The following RNF216 variants were observed in gnomAD, a reference collection of about 807,000 sequenced individuals.
The protein encoded by RNF216 is E3 ubiquitin-protein ligase RNF216.
RNF216 carries 72 observed loss-of-function variants against 110.8 expected under a neutral mutation model. The observed-to-expected ratio is 0.65, with a 90% CI of 0.54 to 0.79. The LOEUF is 0.79. Ranked by LOEUF, RNF216 falls within the 30% of genes least tolerant of loss-of-function variation. The probability of loss-of-function intolerance (pLI) is 0.00; values close to 1 mark genes in which losing one functional copy is unlikely to be tolerated. For missense variants in RNF216, 1,342 were observed against 1,141.2 expected (o/e 1.18, Z -2.54); for synonymous variants, 495 against 407.5 (o/e 1.21, Z -2.59).
rs926720718 is a variant in RNF216, at chr7:5,716,842, T to G, written c.1645-76A>C. On this transcript the variant is annotated intron_variant, in intron 9 of 16. Transcript: ENST00000389902. ...ACTAACCATTTAGTATTTATTTCCA[T>G]AAACATAACTCCAGTATTGCGATCT... 3 of 1,121,520 alleles carry G rather than the reference T, an allele frequency of 2.7e-6. No homozygotes were observed. In the African/African-American group the frequency reaches 4.6e-5, roughly 17 times the overall value. 69.5% of individuals were successfully genotyped at this position (1,121,520 alleles called of 1,614,324 possible).
chr7:5,633,917 A>G (rs1161578067), intron 15 of RNF216, among the ~76,000 whole-genome samples: 2 of 152,228 alleles, frequency 1.3e-5, no homozygotes, highest in African/African-American at 4.8e-5. Context: ...TCCCTCCACA[A>G]ATATGCCCCA....
chr7:5,682,630 C>T (rs149655511), intron 13 of RNF216, among the ~76,000 whole-genome samples: 39 of 152,242 alleles, frequency 2.6e-4, no homozygotes, highest in Non-Finnish European at 5.6e-4. Flanking sequence ...TGATCTTGAA[C>T]TCCTGACCTC....
chr7:5,640,201 T>C (rs925768851), intron 15 of RNF216, among the ~76,000 whole-genome samples: 2 of 152,106 alleles, frequency 1.3e-5, no homozygotes, highest in East Asian at 3.9e-4. Context: ...CCTGACCCTC[T>C]CCCCCAGTTT....
At chr7:5,697,779 G>T (rs1368144217) in intron 13 of RNF216, among the ~76,000 whole-genome samples, 1 of 152,196 alleles carries the variant, frequency 6.6e-6, no homozygotes, top group African/African-American at 2.4e-5. Flanking sequence ...AACAGGTTAG[G>T]TCAGAGTAGT....
intron 12 of RNF216, 79 bp downstream of exon 12, chr7:5,712,636 C>A: frequency 7.2e-7 from 1 of 1,380,836 alleles, no homozygotes; most frequent in Non-Finnish European, 1.0e-6. Context: ...ACACAATTTT[C>A]ATCATCTGAT....
intron 13 of RNF216, among the ~76,000 whole-genome samples, chr7:5,705,902 C>T (rs1262687864): frequency 7.0e-6 from 1 of 142,878 alleles, no homozygotes; most frequent in African/African-American, 2.6e-5. Context: ...AGCGAAACTC[C>T]ATCTCAACAA....
chr7:5,765,258 T>C (rs1198100540), intron 1 of RNF216, among the ~76,000 whole-genome samples: 1 of 151,602 alleles, frequency 6.6e-6, no homozygotes, highest in Admixed American at 6.6e-5. Context: ...GGTCAGGAGT[T>C]GAGACCAGCC....
At chr7:5,768,344 A>AACACACACACACACACACACACAC (rs1225522361) in intron 1 of RNF216, among the ~76,000 whole-genome samples, 1 of 14,168 alleles carries the variant, frequency 7.1e-5, no homozygotes, top group Non-Finnish European at 1.7e-4. Flanking sequence ...GAGGCAGGCA[A>AACACACACACACACACACACACAC]ATACACACAC....
chr7:5,759,436 G>T (rs1795814546), intron 2 of RNF216, among the ~76,000 whole-genome samples: 2 of 152,082 alleles, frequency 1.3e-5, no homozygotes, highest in South Asian at 4.2e-4. Context: ...TCCACTTAAG[G>T]AACAGTAAAT....
intron 5 of RNF216, among the ~76,000 whole-genome samples, chr7:5,732,087 G>T (rs746521061): frequency 6.6e-6 from 1 of 152,128 alleles, no homozygotes; most frequent in Non-Finnish European, 1.5e-5. Context: ...AACGCCTGAG[G>T]CCCAAAGAGA....
At chr7:5,654,677 A>G (rs967597986) in intron 13 of RNF216, among the ~76,000 whole-genome samples, 35 of 109,660 alleles carry the variant, frequency 3.2e-4, no homozygotes, top group Non-Finnish European at 4.9e-4. Flanking sequence ...ATACAGCCAG[A>G]CTCCGCCTCA....
chr7:5,651,142 G>C (rs1012262639), intron 14 of RNF216, among the ~76,000 whole-genome samples: 1 of 152,162 alleles, frequency 6.6e-6, no homozygotes, highest in African/African-American at 2.4e-5. Flanking sequence ...CTTTGGGTTT[G>C]AGTGTAAATG....
chr7:5,755,300 G>C (rs942511869), intron 2 of RNF216, among the ~76,000 whole-genome samples: 3 of 151,998 alleles, frequency 2.0e-5, no homozygotes, highest in Admixed American at 2.0e-4. Flanking sequence ...TCCAGTGTTT[G>C]ACAAGATACC....
At chr7:5,715,365 A>G (rs1421845443) in intron 10 of RNF216, among the ~76,000 whole-genome samples, 175 bp from the exon 11 acceptor site, 4 of 152,162 alleles carry the variant, frequency 2.6e-5, no homozygotes, top group African/African-American at 9.7e-5. Context: ...CTAGCTCAAG[A>G]TACTAACACA....
Position 5,748,949 on chromosome 7 carries a change from TTA to T in RNF216, c.201+3895_201+3896del, listed in dbSNP as rs141581160. 7.6e-3 allele frequency among the ~76,000 whole-genome samples: 1,160 copies of T among 152,218 alleles called. 9 individuals carry two copies. The highest frequency in any genetic ancestry group is 0.025 in the African/African-American group (1,039 of 41,530). On this transcript the variant is annotated intron_variant, in intron 3 of 16. Coordinates refer to ENST00000389902, the MANE Select transcript of RNF216 (RefSeq NM_207111.4). ...CTGTGTCTCCGTGTCTATATATGCG[TTA>T]TGTGTGTGTGGTATTTCTCTACCAA...
chr7:5,757,918 G>A (rs983556148), intron 2 of RNF216, among the ~76,000 whole-genome samples: 2 of 152,178 alleles, frequency 1.3e-5, no homozygotes, highest in Non-Finnish European at 2.9e-5. Context: ...ACTTCGTGAG[G>A]CAGAGGCAAT....
At chr7:5,671,805 C>CAAAAAAAAAAAAAAAAAAAAA (rs11319565) in intron 13 of RNF216, among the ~76,000 whole-genome samples, 32 of 54,220 alleles carry the variant, frequency 5.9e-4, no homozygotes, top group Non-Finnish European at 1.0e-3. Context: ...AACTCCGTCT[C>CAAAAAAAAAAAAAAAAAAAAA]AAAAAAAAAA....
In RNF216 at chr7:5,681,156, G is replaced by A. The variant is rs971665564; in HGVS notation, c.2062-28646C>T. Among the ~76,000 whole-genome samples, 4 of 152,100 alleles carry A rather than the reference G, an allele frequency of 2.6e-5. No homozygotes were observed. The East Asian group carries it at 5.8e-4, about 22-fold the overall frequency. On this transcript the variant is annotated intron_variant, in intron 13 of 16. Coordinates refer to ENST00000389902, the MANE Select transcript of RNF216 (RefSeq NM_207111.4). Reference sequence around the variant, plus strand: ...TTATAATTTGGACAAGTCCTGAATCGTTTGTGGTTCTTCAGAGACACTGAA... The same window carrying A: ...TTATAATTTGGACAAGTCCTGAATCATTTGTGGTTCTTCAGAGACACTGAA...
At chr7:5,691,435 G>GT (rs1562396041) in intron 13 of RNF216, among the ~76,000 whole-genome samples, 3 of 151,074 alleles carry the variant, frequency 2.0e-5, no homozygotes, top group East Asian at 2.0e-4. Flanking sequence ...AGATGAATGC[G>GT]TAAGTGTACA....
Sources: allele counts gnomAD v4.1 joint callset (sites outside exome capture counted in the v4.1 genomes callset), GRCh38; gene constraint gnomAD v4.1.1; transcripts MANE v1.5; gene names NCBI Gene and HGNC (gene_info 2026-07-23, HGNC 2026-07-21).